The following OTUD4 variants were observed in gnomAD, a reference collection of about 807,000 sequenced individuals.
The protein encoded by OTUD4 is OTU deubiquitinase 4.
Under a neutral mutation model 130.4 loss-of-function variants are expected in OTUD4, and 24 were observed. That is an observed-to-expected ratio of 0.18 (90% CI 0.13 to 0.26). The LOEUF is 0.26. Among genes scored for constraint, OTUD4 ranks in the 10% least tolerant of loss-of-function variants. The pLI, the probability that OTUD4 is intolerant of heterozygous loss-of-function variation, is 1.00. For synonymous variants in OTUD4, 420 were observed against 472.5 expected (o/e 0.89, Z 1.44); for missense variants, 1,031 against 1,329.4 (o/e 0.78, Z 3.49).
At position 145,150,923 on chromosome 4, in the gene OTUD4, C is replaced by T. The variant is rs775209660; in HGVS notation, c.969-18G>A. On this transcript the variant is annotated intron_variant, in intron 11 of 20. Coordinates refer to ENST00000447906, the MANE Select transcript of OTUD4 (RefSeq NM_001366057.1). ...ATGTGTGCCTTCAAAGGGGAAAAGA[C>T]TTGTGATAGCTTAAAATACCCTAGT... The T allele has an allele frequency of 1.0e-5, 15 of 1,493,294 alleles. No homozygotes were observed. The highest frequency in any genetic ancestry group is 3.5e-4 in the Middle Eastern group (2 of 5,772). The allele number at this position is 1,493,294 out of a possible 1,614,324, so 92.5% of individuals were successfully genotyped here. A position where few individuals can be genotyped will look rare whatever the true frequency, so the allele number is the denominator to read the frequency against.
At chr4:145,149,191 T>C (rs931805395) in intron 13 of OTUD4, among the ~76,000 whole-genome samples, 4 of 152,038 alleles carry the variant, frequency 2.6e-5, no homozygotes, top group Admixed American at 1.3e-4. Context: ...CACAGACACA[T>C]GGGGAGAACA....
Position 145,147,940 on chromosome 4 carries a change from T to C in OTUD4, c.1260-1511A>G, listed in dbSNP as rs191870735. Reference sequence around the variant, plus strand: ...TACTTTAAATATTCAATAAAGTTTTTAAATGTTTTAATACATTAGTAAAAT... The same window carrying C: ...TACTTTAAATATTCAATAAAGTTTTCAAATGTTTTAATACATTAGTAAAAT... On this transcript the variant is annotated intron_variant, in intron 13 of 20. Transcript: ENST00000447906. Among the ~76,000 whole-genome samples, 73 of 152,354 alleles carry C rather than the reference T, an allele frequency of 4.8e-4. 1 individual carries two copies. In the East Asian group the frequency reaches 0.014, roughly 29 times the overall value.
intron 1 of OTUD4, 153 bp downstream of exon 1, chr4:145,179,662 A>T (rs953915464): frequency 4.3e-6 from 6 of 1,404,628 alleles, no homozygotes; most frequent in Non-Finnish European, 5.5e-6. Flanking sequence ...GCAGCGTCCC[A>T]CTCCGGCGTT....
chr4:145,173,656 A>G (rs146564697), intron 2 of OTUD4, among the ~76,000 whole-genome samples: 127 of 152,236 alleles, frequency 8.3e-4, no homozygotes, highest in Non-Finnish European at 1.5e-3. Flanking sequence ...TATCATTTGC[A>G]AAGTATTATA....
intron 6 of OTUD4, among the ~76,000 whole-genome samples, chr4:145,162,434 G>C (rs1055208703): frequency 1.3e-5 from 2 of 151,612 alleles, no homozygotes; most frequent in African/African-American, 4.8e-5. Context: ...GGCGCCCGTA[G>C]TCCCAGCTAC....
At chr4:145,165,363 A>G (rs921156999) in intron 3 of OTUD4, among the ~76,000 whole-genome samples, 166 bp from the exon 4 acceptor site, 1 of 152,226 alleles carries the variant, frequency 6.6e-6, no homozygotes, top group Admixed American at 6.5e-5. Flanking sequence ...ACAGACCACA[A>G]TATGTGGTAA....
At chr4:145,144,826 A>T (rs1477060106) in intron 14 of OTUD4, among the ~76,000 whole-genome samples, 1 of 152,174 alleles carries the variant, frequency 6.6e-6, no homozygotes, top group Middle Eastern at 3.2e-3. Flanking sequence ...GGGAGAACCT[A>T]AGTGCAAATT....
intron 3 of OTUD4, among the ~76,000 whole-genome samples, chr4:145,170,372 G>C (rs754865730): frequency 1.3e-5 from 2 of 152,136 alleles, no homozygotes; most frequent in Non-Finnish European, 2.9e-5. Context: ...CACACAATTG[G>C]AACTGTTTTC....
At position 145,150,871 on chromosome 4, in the gene OTUD4, C is replaced by T; in HGVS notation, c.1003G>A (p.Glu335Lys). 1 of 1,613,778 alleles carries T rather than the reference C, an allele frequency of 6.2e-7. No homozygotes were observed. Among genetic ancestry groups the T allele is most frequent in the Non-Finnish European group, 8.5e-7 (1 of 1,179,904 alleles). The change falls in exon 12 of 21, where the codon GAA (glutamate) becomes AAA (lysine). Residue 335 changes from glutamate to lysine, a missense_variant. Transcript: ENST00000447906. ...TTCCCTGACACTGTGTTCCAGCTTTCTGGGGGAGGTGCCTTGAGGTTCTTT... is the reference window on the plus strand; with the variant it reads ...TTCCCTGACACTGTGTTCCAGCTTTTTGGGGGAGGTGCCTTGAGGTTCTTT... Reference protein sequence around the residue: ...TSKNLKAPPPESWNTVSGKKM... With the variant: ...TSKNLKAPPPKSWNTVSGKKM...
At chr4:145,155,818 G>A (rs1751255759) in intron 8 of OTUD4, 118 bp downstream of exon 8, 12 of 984,454 alleles carry the variant, frequency 1.2e-5, no homozygotes, top group Non-Finnish European at 1.5e-5. Context: ...ATCAATTTCT[G>A]AGTAGATGAT....
intron 19 of OTUD4, 37 bp from the exon 20 acceptor site, chr4:145,140,028 T>G: frequency 1.6e-6 from 1 of 638,208 alleles, no homozygotes; most frequent in Non-Finnish European, 2.7e-6. Context: ...AAATTATATA[T>G]CTGCAGAGAT....
Position 145,143,357 on chromosome 4 carries a change from ATACT to A in OTUD4, c.1683+4_1683+7del. 1 of 1,555,134 alleles carries A rather than the reference ATACT, an allele frequency of 6.4e-7. No individual in the cohort carries two copies. ...AGCATTCAATGTTAAATGCAACAATATACTTACTTGTTCCGCAGGAGAAGGGCAC... is the reference window on the plus strand; with the variant it reads ...AGCATTCAATGTTAAATGCAACAATATACTTGTTCCGCAGGAGAAGGGCAC... On this transcript the variant is annotated splice_donor_5th_base_variant and intron_variant, in intron 17 of 20. Coordinates refer to ENST00000447906, the MANE Select transcript of OTUD4 (RefSeq NM_001366057.1).
intron 19 of OTUD4, 21 bp downstream of exon 19, chr4:145,141,357 TG>T (rs747540045): frequency 5.1e-6 from 8 of 1,557,048 alleles, no homozygotes; most frequent in Non-Finnish European, 6.9e-6. Flanking sequence ...AAAGTCGATT[TG>T]AACTTGGAGA....
chr4:145,140,862 A>G (rs1037843742), intron 19 of OTUD4, among the ~76,000 whole-genome samples: 1 of 3,586 alleles, frequency 2.8e-4, no homozygotes, highest in Non-Finnish European at 0.016. Context: ...CAAGTATGCT[A>G]GAAACAAAAA....
rs1449798556 is a variant in OTUD4 at position 145,180,422 on chromosome 4, CCCACG to C, written c.-454_-450del. On this transcript the variant is annotated 5_prime_UTR_variant, in exon 1 of 21. Transcript: ENST00000447906. The stretch of plus-strand genomic sequence containing the variant: ...GCGGGGCCTGCGCCCCCGCGCACTC[CCCACG>C]CCGGGAGCCGAGGAAACCAAAAAGA... Among the ~76,000 whole-genome samples the C allele has an allele frequency of 3.3e-5, 5 of 152,208 alleles. No individual in the cohort carries two copies. Among genetic ancestry groups the C allele is most frequent in the Non-Finnish European group, 7.4e-5 (5 of 68,020 alleles).
At chr4:145,149,525 T>C (rs1750971196) in intron 13 of OTUD4, 1 of 152,230 alleles carries the variant, frequency 6.6e-6, no homozygotes, top group Non-Finnish European at 1.5e-5. Context: ...TATTTTTTTC[T>C]TTCCTTTCTT....
intron 1 of OTUD4, chr4:145,178,265 G>T (rs915079193): frequency 6.6e-6 from 1 of 152,036 alleles, no homozygotes; most frequent in Non-Finnish European, 1.5e-5. Context: ...CGGAAATCAG[G>T]CACACCCTTC....
At chr4:145,162,122 G>A (rs962396977) in intron 6 of OTUD4, among the ~76,000 whole-genome samples, 2 of 152,034 alleles carry the variant, frequency 1.3e-5, no homozygotes, top group African/African-American at 4.8e-5. Flanking sequence ...ACAGGCATGC[G>A]CCACCATGCC....
At chr4:145,156,440 T>C (rs1169692991) in intron 7 of OTUD4, among the ~76,000 whole-genome samples, 4 of 152,152 alleles carry the variant, frequency 2.6e-5, no homozygotes, top group South Asian at 2.1e-4. Context: ...TCCCAGGACT[T>C]TGGGAGGCAC....
Sources: allele counts gnomAD v4.1 joint callset (sites outside exome capture counted in the v4.1 genomes callset), GRCh38; gene constraint gnomAD v4.1.1; transcripts MANE v1.5; gene names NCBI Gene and HGNC (gene_info 2026-07-23, HGNC 2026-07-21).